The following THEMIS variants were observed in gnomAD, a reference collection of about 807,000 sequenced individuals.
THEMIS encodes the protein thymocyte selection associated.
THEMIS carries 37 observed loss-of-function variants against 52.6 expected under a neutral mutation model. The observed-to-expected ratio is 0.70, with a 90% CI of 0.54 to 0.93. The LOEUF (loss-of-function observed/expected upper bound fraction) is 0.93, where lower values mean the gene tolerates loss of function less well. Among genes scored for constraint, THEMIS ranks in the 40% least tolerant of loss-of-function variants. The probability of loss-of-function intolerance (pLI) is 0.00; values close to 1 mark genes in which losing one functional copy is unlikely to be tolerated. For missense variants in THEMIS, 808 were observed against 763.1 expected (o/e 1.06, Z -0.69); for synonymous variants, 292 against 272.7 (o/e 1.07, Z -0.70).
intron 4 of THEMIS, among the ~76,000 whole-genome samples, chr6:127,761,807 A>T (rs1367202970): frequency 1.3e-5 from 2 of 152,170 alleles, no homozygotes; most frequent in African/African-American, 4.8e-5. Flanking sequence ...AAGAACCCAG[A>T]GTGCCAATAG....
chr6:127,785,071 C>G (rs554110832), intron 4 of THEMIS, among the ~76,000 whole-genome samples: 12 of 151,390 alleles, frequency 7.9e-5, no homozygotes, highest in African/African-American at 2.7e-4. Flanking sequence ...TATCTATCTA[C>G]CTATCATCTA....
chr6:127,871,138 C>T (rs9385442), intron 1 of THEMIS, among the ~76,000 whole-genome samples: 16,019 of 152,014 alleles, frequency 0.11, 1,291 homozygotes, highest in East Asian at 0.43. Flanking sequence ...TATTCTATGA[C>T]CACAATGAAT....
Position 127,840,575 on chromosome 6 carries a change from T to A in THEMIS, c.251-10641A>T, listed in dbSNP as rs1020502627. On this transcript the variant is annotated intron_variant, in intron 2 of 5. Coordinates refer to ENST00000368248, the MANE Select transcript of THEMIS (RefSeq NM_001010923.3). ...TTTTCTACAACATGCATGTGTTACT[T>A]GTAAAACAGAAAAATAAATACATCT... 2.0e-5 allele frequency among the ~76,000 whole-genome samples: 3 copies of A among 152,142 alleles called. No individual in the cohort carries two copies. In the East Asian group the frequency reaches 5.8e-4, roughly 29 times the overall value.
At chr6:127,816,286 C>T (rs796304402) in intron 3 of THEMIS, among the ~76,000 whole-genome samples, 14 of 152,228 alleles carry the variant, frequency 9.2e-5, no homozygotes, top group African/African-American at 1.2e-4. Flanking sequence ...TCTACACCCA[C>T]GCCTACACTG....
At chr6:127,774,752 A>G (rs1443086934) in intron 4 of THEMIS, among the ~76,000 whole-genome samples, 1 of 152,078 alleles carries the variant, frequency 6.6e-6, no homozygotes, top group Non-Finnish European at 1.5e-5. Context: ...AAACCCCCAA[A>G]TCTCATCACC....
chr6:127,815,985 A>G (rs1403073462), intron 3 of THEMIS, among the ~76,000 whole-genome samples: 1 of 152,150 alleles, frequency 6.6e-6, no homozygotes, highest in Non-Finnish European at 1.5e-5. Context: ...GAGAAACCCT[A>G]CAGGCCATGT....
intron 4 of THEMIS, among the ~76,000 whole-genome samples, chr6:127,731,388 GA>G (rs1007939839): frequency 3.2e-4 from 48 of 148,416 alleles, no homozygotes; most frequent in Admixed American, 2.1e-3. Context: ...ATATGTCGGG[GA>G]AAAAAAAACA....
intron 5 of THEMIS, among the ~76,000 whole-genome samples, chr6:127,718,665 C>T (rs777703489): frequency 4.6e-5 from 7 of 151,944 alleles, no homozygotes; most frequent in African/African-American, 9.7e-5. Context: ...GCAATTTTCA[C>T]TGCAGTGGTT....
the THEMIS span, among the ~76,000 whole-genome samples, chr6:127,701,316 T>C: frequency 2.4e-4 from 37 of 152,250 alleles, no homozygotes; most frequent in African/African-American, 8.7e-4. Context: ...CTGTATCTAA[T>C]TTTTATGATT....
chr6:127,753,145 G>A (rs1454538969), intron 4 of THEMIS, among the ~76,000 whole-genome samples: 1 of 151,842 alleles, frequency 6.6e-6, no homozygotes, highest in Non-Finnish European at 1.5e-5. Flanking sequence ...CATTAATTAG[G>A]TGTAAAAGGA....
In THEMIS at chr6:127,881,737, A is replaced by T. The variant is rs148635266; in HGVS notation, c.91+19105T>A. ...TGCTTGTTTTTAATGCACCTGTTTT[A>T]GGGCTTTTTTCTACAATAAGGCCTG... On this transcript the variant is annotated intron_variant, in intron 1 of 5. Coordinates refer to ENST00000368248, the MANE Select transcript of THEMIS (RefSeq NM_001010923.3). Among the ~76,000 whole-genome samples the T allele has an allele frequency of 7.2e-5, 11 of 152,002 alleles. No individual in the cohort carries two copies. In the East Asian group the frequency reaches 1.7e-3, roughly 24 times the overall value.
intron 2 of THEMIS, among the ~76,000 whole-genome samples, chr6:127,833,997 C>G (rs1392664760): frequency 2.0e-5 from 3 of 152,092 alleles, no homozygotes; most frequent in African/African-American, 7.2e-5. Flanking sequence ...TAATAATAGT[C>G]TGAACTGAGA....
At chr6:127,877,304 A>G (rs1307863764) in intron 1 of THEMIS, among the ~76,000 whole-genome samples, 1 of 152,226 alleles carries the variant, frequency 6.6e-6, no homozygotes, top group Non-Finnish European at 1.5e-5. Flanking sequence ...TCACTGGAGT[A>G]GTACATTTAA....
chr6:127,840,799 C>T (rs1337563714), intron 2 of THEMIS, among the ~76,000 whole-genome samples: 2 of 151,954 alleles, frequency 1.3e-5, no homozygotes, highest in Non-Finnish European at 2.9e-5. Flanking sequence ...TCATGAAAAG[C>T]CATGTAAGAA....
rs532401768 is a variant in THEMIS at position 127,757,175 on chromosome 6, A to C, written c.1759-37352T>G. Among the ~76,000 whole-genome samples, 52 of 152,308 alleles carry C rather than the reference A, an allele frequency of 3.4e-4. 1 individual carries two copies. Among genetic ancestry groups the C allele is most frequent in the African/African-American group, 1.3e-3 (52 of 41,564 alleles). Reference sequence around the variant, plus strand: ...TAATTTTAGCTAATTTAAATGTTAGAAGCCCCAAGTGGCTAGTGGCCGTAT... The same window carrying C: ...TAATTTTAGCTAATTTAAATGTTAGCAGCCCCAAGTGGCTAGTGGCCGTAT... On this transcript the variant is annotated intron_variant, in intron 4 of 5. Coordinates refer to ENST00000368248, the MANE Select transcript of THEMIS (RefSeq NM_001010923.3).
intron 4 of THEMIS, among the ~76,000 whole-genome samples, chr6:127,797,893 G>C (rs1777383746): frequency 1.3e-5 from 2 of 152,192 alleles, no homozygotes; most frequent in Non-Finnish European, 2.9e-5. Flanking sequence ...TCCAAGTCCT[G>C]CATACACAGT....
intron 1 of THEMIS, chr6:127,868,543 A>C: frequency 7.3e-4 from 657 of 901,966 alleles, no homozygotes; most frequent in Middle Eastern, 1.1e-3. Context: ...TGAATTTCTC[A>C]TTGCTTAAAG....
intron 4 of THEMIS, among the ~76,000 whole-genome samples, chr6:127,809,707 G>C (rs773762105): frequency 7.2e-5 from 11 of 151,830 alleles, no homozygotes; most frequent in Non-Finnish European, 1.2e-4. Context: ...TTGGGGAGAA[G>C]AAACCTGTTC....
chr6:127,853,317 T>C (rs986031516), intron 2 of THEMIS, among the ~76,000 whole-genome samples: 5 of 151,698 alleles, frequency 3.3e-5, no homozygotes, highest in Non-Finnish European at 5.9e-5. Context: ...TATAAAGTAA[T>C]GGTTCTCAAC....
Sources: gnomAD v4.1 joint callset for allele counts (sites outside exome capture counted in the v4.1 genomes callset) on GRCh38, gnomAD v4.1.1 for gene constraint, MANE v1.5 for transcripts, NCBI Gene and HGNC (gene_info 2026-07-23, HGNC 2026-07-21) for gene names.